BNC2: variants seen among roughly 807,000 people sequenced by gnomAD.
BNC2 encodes the protein zinc finger protein basonuclin-2.
BNC2 carries 20 observed loss-of-function variants against 76.3 expected under a neutral mutation model. That is an observed-to-expected ratio of 0.26 (90% CI 0.18 to 0.38). The LOEUF is 0.38. Among genes scored for constraint, BNC2 ranks in the 10% least tolerant of loss-of-function variants. The pLI, the probability that BNC2 is intolerant of heterozygous loss-of-function variation, is 1.00. For missense variants in BNC2, 1,382 were observed against 1,399.8 expected, an observed-to-expected ratio of 0.99 and a Z score of 0.20; for synonymous variants, 582 against 514.8, an observed-to-expected ratio of 1.13 and a Z score of -1.77.
rs571368805 is a variant in BNC2 at position 16,672,762 on chromosome 9, A to T, written c.330+55035T>A. ...ATTTTTTTCCTACAATTTATTAGTT[A>T]CTTTATTGGACACTGTCGCCAAATT... On this transcript the variant is annotated intron_variant, in intron 3 of 6. Coordinates refer to ENST00000380672, the MANE Select transcript of BNC2 (RefSeq NM_017637.6). Among the ~76,000 whole-genome samples, 3 of 152,324 alleles carry T rather than the reference A, an allele frequency of 2.0e-5. No homozygotes were observed. The East Asian group carries it at 5.8e-4, about 29-fold the overall frequency.
intron 1 of BNC2, among the ~76,000 whole-genome samples, chr9:16,811,045 C>T (rs1273131866): frequency 1.3e-5 from 2 of 151,710 alleles, no homozygotes; most frequent in Non-Finnish European, 2.9e-5. Flanking sequence ...AGTGAAACCC[C>T]GTCTCTACTA....
intron 2 of BNC2, among the ~76,000 whole-genome samples, chr9:16,733,722 G>A (rs561658034): frequency 1.3e-5 from 2 of 152,142 alleles, no homozygotes; most frequent in African/African-American, 4.8e-5. Context: ...TCACAATTAA[G>A]ATTCACCTAT....
At chr9:16,679,646 T>A (rs1822763770) in intron 3 of BNC2, among the ~76,000 whole-genome samples, 3 of 152,186 alleles carry the variant, frequency 2.0e-5, no homozygotes, top group Admixed American at 2.0e-4. Context: ...TGACAAGTTG[T>A]CCTCTGAAGG....
chr9:16,714,631 C>G (rs1330304), intron 3 of BNC2, among the ~76,000 whole-genome samples: 101,825 of 152,078 alleles, frequency 0.67, 34,466 homozygotes, highest in Non-Finnish European at 0.72. Context: ...GTTTAAAACA[C>G]AAATGGCTCC....
At chr9:16,452,967 A>C (rs768017861) in intron 5 of BNC2, among the ~76,000 whole-genome samples, 2 of 152,270 alleles carry the variant, frequency 1.3e-5, no homozygotes, top group Non-Finnish European at 2.9e-5. Context: ...AATTCTGAAA[A>C]CAAAACAAAA....
intron 4 of BNC2, among the ~76,000 whole-genome samples, chr9:16,576,628 C>G (rs1048049658): frequency 2.0e-5 from 3 of 152,148 alleles, no homozygotes; most frequent in Admixed American, 6.5e-5. Flanking sequence ...TTTGATCTGC[C>G]TTGCTTGTAA....
At chr9:16,591,306 A>G (rs1349108904) in intron 3 of BNC2, among the ~76,000 whole-genome samples, 1 of 152,218 alleles carries the variant, frequency 6.6e-6, no homozygotes. Context: ...AAACTCATCT[A>G]TGACGAATGT....
chr9:16,674,640 G>A (rs1313885182), intron 3 of BNC2, among the ~76,000 whole-genome samples: 1 of 152,148 alleles, frequency 6.6e-6, no homozygotes, highest in East Asian at 1.9e-4. Context: ...GACAATAACA[G>A]ATATCAGCTA....
intron 3 of BNC2, among the ~76,000 whole-genome samples, chr9:16,601,879 C>A (rs959616483): frequency 6.6e-6 from 1 of 152,156 alleles, no homozygotes; most frequent in East Asian, 1.9e-4. Context: ...CTGGTAATAT[C>A]TCTAAAGTTT....
At chr9:16,419,734 G>C in intron 6 of BNC2, 85 bp from the exon 7 acceptor site, 6 of 868,752 alleles carry the variant, frequency 6.9e-6, no homozygotes, top group Non-Finnish European at 1.1e-5. Context: ...AATTGATTCA[G>C]CTTTCACTAG....
Position 16,409,643 on chromosome 9 carries a change from G to T in BNC2, c.*9346C>A, listed in dbSNP as rs1305552289. On this transcript the variant is annotated 3_prime_UTR_variant, in exon 7 of 7. Transcript: ENST00000380672. The stretch of plus-strand genomic sequence containing the variant: ...ATTTTATGCAAAAGACATACTGTAG[G>T]CAGTTATAGTACAGAAAATACAACC... 1.3e-5 allele frequency: 2 copies of T among 152,506 alleles called. No homozygotes were observed. Among genetic ancestry groups the T allele is most frequent in the African/African-American group, 4.8e-5 (2 of 41,386 alleles). 9.4% of individuals were successfully genotyped at this position (152,506 alleles called of 1,614,324 possible).
chr9:16,685,952 G>C (rs1345578471), intron 3 of BNC2, among the ~76,000 whole-genome samples: 2 of 152,132 alleles, frequency 1.3e-5, no homozygotes, highest in African/African-American at 4.8e-5. Context: ...AGGAAATGCA[G>C]GGATGGGAAA....
At chr9:16,668,101 T>C (rs1337537691) in intron 3 of BNC2, among the ~76,000 whole-genome samples, 1 of 152,228 alleles carries the variant, frequency 6.6e-6, no homozygotes, top group Non-Finnish European at 1.5e-5. Flanking sequence ...AGATCACATT[T>C]AGCGAAGCTC....
intron 1 of BNC2, among the ~76,000 whole-genome samples, chr9:16,745,487 G>A (rs1054790090): frequency 1.3e-5 from 2 of 152,200 alleles, no homozygotes; most frequent in Admixed American, 6.5e-5. Flanking sequence ...CAATCAGCAA[G>A]GGAGGAGTAG....
intron 5 of BNC2, among the ~76,000 whole-genome samples, chr9:16,538,510 G>A (rs536391287): frequency 4.3e-4 from 66 of 152,120 alleles, no homozygotes; most frequent in Non-Finnish European, 7.6e-4. Flanking sequence ...TGATCCTGAT[G>A]GGGCTAAAAA....
At chr9:16,797,205 C>T (rs2135720115) in intron 1 of BNC2, among the ~76,000 whole-genome samples, 1 of 152,048 alleles carries the variant, frequency 6.6e-6, no homozygotes, top group Non-Finnish European at 1.5e-5. Context: ...ACTATTATCC[C>T]CAAAAAGTAA....
chr9:16,695,484 C>A (rs1823308992), intron 3 of BNC2, among the ~76,000 whole-genome samples: 1 of 151,210 alleles, frequency 6.6e-6, no homozygotes. Context: ...ACGTGCCCTG[C>A]AATTTAGCTG....
chr9:16,854,050 G>A (rs577967027), intron 1 of BNC2, among the ~76,000 whole-genome samples: 14 of 152,136 alleles, frequency 9.2e-5, no homozygotes, highest in Non-Finnish European at 1.6e-4. Flanking sequence ...ACACCAGGCC[G>A]GCAGGCTGCT....
At chr9:16,522,573 G>C (rs1271816795) in intron 5 of BNC2, among the ~76,000 whole-genome samples, 13 of 152,152 alleles carry the variant, frequency 8.5e-5, no homozygotes, top group Admixed American at 8.5e-4. Context: ...GGGAGGGTGT[G>C]ACTGAGACTT....
Sources: allele counts gnomAD v4.1 joint callset (sites outside exome capture counted in the v4.1 genomes callset), GRCh38; gene constraint gnomAD v4.1.1; transcripts MANE v1.5; gene names NCBI Gene and HGNC (gene_info 2026-07-23, HGNC 2026-07-21).